Variants in F13B observed in about 807,000 individuals in gnomAD.
F13B encodes the protein coagulation factor XIII B chain.
A neutral mutation model predicts 79.8 loss-of-function variants in F13B; 58 were observed. The observed-to-expected ratio is 0.73, with a 90% CI of 0.59 to 0.90. The LOEUF (loss-of-function observed/expected upper bound fraction) is 0.90, where lower values mean the gene tolerates loss of function less well. Ranked by LOEUF, F13B falls within the 40% of genes least tolerant of loss-of-function variation. F13B has a pLI of 0.00. For synonymous variants in F13B, 283 were observed against 260.3 expected, an observed-to-expected ratio of 1.09 and a Z score of -0.84; for missense variants, 773 against 777.0, an observed-to-expected ratio of 0.99 and a Z score of 0.06.
At chr1:197,061,624 C>T (rs1012501898) in intron 3 of F13B, among the ~76,000 whole-genome samples, 160 bp downstream of exon 3, 1 of 151,988 alleles carries the variant, frequency 6.6e-6, no homozygotes, top group Non-Finnish European at 1.5e-5. Context: ...ATTAAGGAAT[C>T]ACCTAGTACT....
At position 197,055,764 on chromosome 1, in the gene F13B, T is replaced by C; in HGVS notation, c.1305A>G (p.Lys435=). 6.2e-7 allele frequency: 1 copy of C among 1,613,616 alleles called. No individual in the cohort carries two copies. Among genetic ancestry groups the C allele is most frequent in the Non-Finnish European group, 8.5e-7 (1 of 1,179,736 alleles). The change falls in exon 8 of 12, where the codon AAA becomes AAG. Residue 435 remains lysine (K), a synonymous_variant. Coordinates refer to ENST00000367412, the MANE Select transcript of F13B (RefSeq NM_001994.3). ...CNEYYLLRGS[K]ISRCEQGKWS... ...ATTTTCCTTGTTCGCAACGAGATAT[T>C]TTTGATCCCCTCAGTAAGTAATATT... is the stretch of plus-strand genomic sequence containing the variant.
At chr1:197,046,414 AT>A (rs1655232569) in intron 10 of F13B, among the ~76,000 whole-genome samples, 1 of 152,228 alleles carries the variant, frequency 6.6e-6, no homozygotes, top group South Asian at 2.1e-4. Flanking sequence ...CCCATTCACA[AT>A]TACTTCAAAG....
intron 8 of F13B, among the ~76,000 whole-genome samples, chr1:197,055,210 A>T (rs577552324): frequency 1.2e-4 from 19 of 152,170 alleles, no homozygotes; most frequent in African/African-American, 4.6e-4. Flanking sequence ...ATTAGCAAAC[A>T]CTTTTATATA....
chr1:197,055,830 T>C lies in F13B; in HGVS notation c.1239A>G (p.Ala413=). ...CCACTGAGGATCCTGTTGCATAGCT[T>C]GCCAATATCCCGTCTGCAACAGCCC... ...MNGAVADGIL[A]SYATGSSVEY... Residue 413 remains alanine, a synonymous_variant, in exon 8 of 12, where the codon GCA becomes GCG. Transcript: ENST00000367412. The C allele has an allele frequency of 6.2e-7, 1 of 1,613,602 alleles. No individual in the cohort carries two copies. Among genetic ancestry groups the C allele is most frequent in the Non-Finnish European group, 8.5e-7 (1 of 1,179,730 alleles).
At position 197,052,738 on chromosome 1, in the gene F13B, A is replaced by G. The variant is rs776575920; in HGVS notation, c.1451T>C (p.Phe484Ser). ...TAAGTCATATCCCTGTTTACATACA[A>G]AATCTATTAAATCTCCATGTAAGAC... ...GKVLHGDLID[F>S]VCKQGYDLSP... Residue 484 changes from phenylalanine (F) to serine (S), a missense_variant, in exon 9 of 12, where the codon TTT becomes TCT. Transcript: ENST00000367412. The G allele has an allele frequency of 6.2e-7, 1 of 1,611,100 alleles. No individual in the cohort carries two copies. The highest frequency in any genetic ancestry group is 1.1e-5 in the South Asian group (1 of 91,000).
At chr1:197,063,684 A>G (rs1377611541) in intron 1 of F13B, among the ~76,000 whole-genome samples, 1 of 152,206 alleles carries the variant, frequency 6.6e-6, no homozygotes, top group African/African-American at 2.4e-5. Context: ...TAATAGTCAC[A>G]TTCATAAAAA....
intron 10 of F13B, among the ~76,000 whole-genome samples, chr1:197,046,526 G>A (rs1655237594): frequency 1.3e-5 from 2 of 152,134 alleles, no homozygotes; most frequent in Admixed American, 6.6e-5. Context: ...ACAAACAAAT[G>A]GAAGAACATT....
At chr1:197,047,581 G>A (rs1393870733) in intron 10 of F13B, among the ~76,000 whole-genome samples, 1 of 152,182 alleles carries the variant, frequency 6.6e-6, no homozygotes, top group East Asian at 1.9e-4. Flanking sequence ...AAGACAGTGT[G>A]GCGACTCCTC....
In F13B at chr1:197,040,752, A is replaced by T. The variant is rs780628616; in HGVS notation, c.1739-17T>A. 8.1e-5 allele frequency: 121 copies of T among 1,495,844 alleles called. No homozygotes were observed. Among genetic ancestry groups the T allele is most frequent in the Non-Finnish European group, 1.0e-4 (109 of 1,088,182 alleles). 92.7% of individuals were successfully genotyped at this position (1,495,844 alleles called of 1,614,324 possible). ...TGCATGGCTCTGGGAACAACAATTT[A>T]AAAAAAAAGAAAGAAAAAGAAGAAA... On this transcript the variant is annotated splice_polypyrimidine_tract_variant and intron_variant, in intron 10 of 11. Transcript: ENST00000367412.
chr1:197,056,140 T>C (rs1469243181), intron 7 of F13B, among the ~76,000 whole-genome samples: 1 of 152,122 alleles, frequency 6.6e-6, no homozygotes, highest in African/African-American at 2.4e-5. Flanking sequence ...TGTGAAGGAA[T>C]TATGATATAC....
chr1:197,061,648 G>A (rs1162875506), intron 3 of F13B, 136 bp downstream of exon 3: 1 of 755,154 alleles, frequency 1.3e-6, no homozygotes, highest in Non-Finnish European at 2.1e-6. Flanking sequence ...GAAAAGCAAT[G>A]TAATATCAAC....
intron 5 of F13B, 109 bp from the exon 6 acceptor site, chr1:197,057,574 A>G: frequency 8.6e-7 from 1 of 1,166,096 alleles, no homozygotes; most frequent in Non-Finnish European, 1.2e-6. Flanking sequence ...TGGCAGACTG[A>G]TTCTAGGAGC....
At chr1:197,065,183 T>C (rs1449570835) in intron 1 of F13B, among the ~76,000 whole-genome samples, 1 of 152,138 alleles carries the variant, frequency 6.6e-6, no homozygotes, top group African/African-American at 2.4e-5. Context: ...AGGGGCACAG[T>C]TGCTTGTCAG....
At position 197,039,446 on chromosome 1, in the gene F13B, A is replaced by C. The variant is rs568864070; in HGVS notation, c.1953-35T>G. 79 of 1,578,066 alleles carry C rather than the reference A, an allele frequency of 5.0e-5. No homozygotes were observed. In the South Asian group the frequency reaches 8.2e-4, roughly 16 times the overall value. ...AAAAAGAGAGATTTTTGAAATAAGCATCAATTGCAGTCAGGTGTTAATTAC... is the reference window on the plus strand; with the variant it reads ...AAAAAGAGAGATTTTTGAAATAAGCCTCAATTGCAGTCAGGTGTTAATTAC... On this transcript the variant is annotated intron_variant, in intron 11 of 11. Transcript: ENST00000367412.
intron 10 of F13B, among the ~76,000 whole-genome samples, chr1:197,050,491 A>T (rs1417047313): frequency 6.6e-6 from 1 of 152,096 alleles, no homozygotes; most frequent in African/African-American, 2.4e-5. Flanking sequence ...GTTTGTCTTT[A>T]AAAAAATATG....
intron 5 of F13B, among the ~76,000 whole-genome samples, chr1:197,059,560 A>G (rs1417558261): frequency 6.6e-6 from 1 of 152,106 alleles, no homozygotes; most frequent in African/African-American, 2.4e-5. Flanking sequence ...TATCCTCCCA[A>G]TTCTCAAACT....
At chr1:197,044,931 G>T (rs1193028928) in intron 10 of F13B, among the ~76,000 whole-genome samples, 2 of 152,034 alleles carry the variant, frequency 1.3e-5, no homozygotes, top group African/African-American at 2.4e-5. Context: ...CGAAATGAAG[G>T]CAGAAATAAA....
At chr1:197,046,817 T>C (rs1192591716) in intron 10 of F13B, among the ~76,000 whole-genome samples, 5 of 152,120 alleles carry the variant, frequency 3.3e-5, no homozygotes, top group Admixed American at 2.0e-4. Context: ...AACAGATATA[T>C]AGACCAATGG....
chr1:197,060,334 G>C, intron 5 of F13B, 32 bp downstream of exon 5: 1 of 1,542,692 alleles, frequency 6.5e-7, no homozygotes, highest in Non-Finnish European at 9.0e-7. Flanking sequence ...TAAAGACATG[G>C]CATTTTGCGA....
Sources: gnomAD v4.1 joint callset for allele counts (sites outside exome capture counted in the v4.1 genomes callset) on GRCh38, gnomAD v4.1.1 for gene constraint, MANE v1.5 for transcripts, NCBI Gene and HGNC (gene_info 2026-07-23, HGNC 2026-07-21) for gene names.